The following NRG3 variants were observed in gnomAD, a reference collection of about 807,000 sequenced individuals.
NRG3 encodes the protein neuregulin 3.
In NRG3, 31 loss-of-function variants were observed where a neutral mutation model predicts 66.9. The observed-to-expected ratio is 0.46, with a 90% confidence interval of 0.35 to 0.63. The LOEUF (loss-of-function observed/expected upper bound fraction) is 0.63. Among genes scored for constraint, NRG3 ranks in the 20% least tolerant of loss-of-function variants. NRG3 has a pLI of 0.00. For missense variants in NRG3, 910 were observed against 878.9 expected (o/e 1.04, Z -0.45); for synonymous variants, 393 against 359.4 (o/e 1.09, Z -1.06).
chr10:82,237,749 G>A (rs985922073), intron 1 of NRG3, among the ~76,000 whole-genome samples: 1 of 152,084 alleles, frequency 6.6e-6, no homozygotes, highest in Admixed American at 6.5e-5. Context: ...AGAAGACTGC[G>A]AGTATACCAA....
intron 3 of NRG3, among the ~76,000 whole-genome samples, chr10:82,825,217 G>A (rs1160758999): frequency 1.3e-5 from 2 of 152,004 alleles, no homozygotes; most frequent in African/African-American, 4.8e-5. Flanking sequence ...TGTGCTTTTG[G>A]TGTTATATCT....
intron 2 of NRG3, among the ~76,000 whole-genome samples, chr10:82,470,410 T>C (rs569074617): frequency 6.6e-6 from 1 of 152,330 alleles, no homozygotes; most frequent in South Asian, 2.1e-4. Context: ...AAGGATAATA[T>C]GAGACGGAAT....
intron 2 of NRG3, among the ~76,000 whole-genome samples, chr10:82,443,213 TG>T (rs11325822): frequency 0.2 from 30,672 of 151,590 alleles, 4,266 homozygotes; most frequent in African/African-American, 0.4. Flanking sequence ...GGGATGCACT[TG>T]GTTTTTTTCT....
chr10:82,071,601 C>T (rs143861828), intron 1 of NRG3, among the ~76,000 whole-genome samples: 211 of 152,228 alleles, frequency 1.4e-3, no homozygotes, highest in Non-Finnish European at 2.4e-3. Flanking sequence ...GAAGAGGTTG[C>T]AGAGAATGAA....
intron 1 of NRG3, among the ~76,000 whole-genome samples, chr10:82,175,227 T>G (rs1293818964): frequency 6.6e-6 from 1 of 152,172 alleles, no homozygotes; most frequent in Non-Finnish European, 1.5e-5. Context: ...TCAAGCTGCT[T>G]CTTTGCTTGC....
At chr10:82,654,820 A>T (rs1183440784) in intron 2 of NRG3, among the ~76,000 whole-genome samples, 1 of 152,168 alleles carries the variant, frequency 6.6e-6, no homozygotes, top group Non-Finnish European at 1.5e-5. Context: ...TCTCCGTGGA[A>T]AGAAACCTTC....
At chr10:82,347,682 T>C (rs895951408) in intron 1 of NRG3, among the ~76,000 whole-genome samples, 15 of 152,250 alleles carry the variant, frequency 9.9e-5, no homozygotes, top group African/African-American at 3.1e-4. Flanking sequence ...AAGTCTCCCA[T>C]TATTATTGTG....
chr10:81,896,758 AC>A (rs1262305017), intron 1 of NRG3, among the ~76,000 whole-genome samples: 2 of 152,056 alleles, frequency 1.3e-5, no homozygotes, highest in African/African-American at 4.8e-5. Context: ...AATTACATGA[AC>A]AAGCATGCCT....
At chr10:82,190,010 G>A (rs146719558) in intron 1 of NRG3, among the ~76,000 whole-genome samples, 1 of 152,004 alleles carries the variant, frequency 6.6e-6, no homozygotes, top group African/African-American at 2.4e-5. Context: ...TTTTGAACAA[G>A]ATATAGACGA....
At position 82,303,336 on chromosome 10, in the gene NRG3, A is replaced by AACACAC. The variant is rs144860357; in HGVS notation, c.824-55386_824-55381dup. ...ATTTACATACTACTGTGCGTGTATA[A>AACACAC]ACACACACACACACACACACACGGA... On this transcript the variant is annotated intron_variant, in intron 1 of 8. Transcript: ENST00000372141. Among the ~76,000 whole-genome samples, 688 of 149,242 alleles carry AACACAC rather than the reference A, an allele frequency of 4.6e-3. 5 individuals carry two copies. Among genetic ancestry groups the AACACAC allele is most frequent in the African/African-American group, 0.014 (582 of 40,490 alleles).
intron 4 of NRG3, among the ~76,000 whole-genome samples, chr10:82,875,469 C>G (rs1841729844): frequency 6.6e-6 from 1 of 152,094 alleles, no homozygotes; most frequent in African/African-American, 2.4e-5. Flanking sequence ...GTCTTCTTCC[C>G]ATTTTAACCT....
At chr10:82,386,994 C>T (rs1010326029) in intron 2 of NRG3, among the ~76,000 whole-genome samples, 2 of 151,962 alleles carry the variant, frequency 1.3e-5, no homozygotes, top group African/African-American at 4.8e-5. Context: ...GATATGGGAT[C>T]TCACCATGTT....
chr10:82,772,187 T>G (rs1310616796), intron 3 of NRG3, among the ~76,000 whole-genome samples: 1 of 152,162 alleles, frequency 6.6e-6, no homozygotes, highest in African/African-American at 2.4e-5. Context: ...CGTGATGTTA[T>G]GGGATACATA....
intron 4 of NRG3, among the ~76,000 whole-genome samples, chr10:82,939,767 C>T (rs531429125): frequency 6.6e-6 from 1 of 152,104 alleles, no homozygotes; most frequent in African/African-American, 2.4e-5. Context: ...CGGCGCCCCA[C>T]CTTTCAATGT....
chr10:82,018,489 G>T (rs1350993155), intron 1 of NRG3, among the ~76,000 whole-genome samples: 4 of 152,188 alleles, frequency 2.6e-5, no homozygotes, highest in African/African-American at 7.2e-5. Flanking sequence ...TTGGTAGCTT[G>T]ATGGGGATGG....
At chr10:82,502,707 A>G (rs1844309779) in intron 2 of NRG3, among the ~76,000 whole-genome samples, 1 of 152,174 alleles carries the variant, frequency 6.6e-6, no homozygotes, top group Non-Finnish European at 1.5e-5. Context: ...ATTAATTGTA[A>G]TAATTATCAG....
intron 1 of NRG3, among the ~76,000 whole-genome samples, chr10:81,975,314 C>CATCTATCTGTCTATCT (rs1554873643): frequency 7.0e-6 from 1 of 143,718 alleles, no homozygotes; most frequent in African/African-American, 2.6e-5. Context: ...AATTGTGTAA[C>CATCTATCTGTCTATCT]ATCTATCTAT....
At chr10:82,274,247 G>A (rs574761034) in intron 1 of NRG3, among the ~76,000 whole-genome samples, 5 of 152,134 alleles carry the variant, frequency 3.3e-5, no homozygotes, top group African/African-American at 7.2e-5. Flanking sequence ...AAAAATTTTA[G>A]CATAGCAAAA....
intron 1 of NRG3, among the ~76,000 whole-genome samples, chr10:81,965,061 G>A (rs1047399509): frequency 6.6e-6 from 1 of 152,146 alleles, no homozygotes; most frequent in Non-Finnish European, 1.5e-5. Flanking sequence ...TTGGGCATTA[G>A]AACATTACAA....
Sources: allele counts gnomAD v4.1 joint callset (sites outside exome capture counted in the v4.1 genomes callset), GRCh38; gene constraint gnomAD v4.1.1; transcripts MANE v1.5; gene names NCBI Gene and HGNC (gene_info 2026-07-23, HGNC 2026-07-21).